RIT2: variants seen among roughly 807,000 people sequenced by gnomAD.
RIT2 encodes GTP-binding protein Rit2.
RIT2 carries 24 observed loss-of-function variants against 23.7 expected under a neutral mutation model. That is an observed-to-expected ratio of 1.01 (90% CI 0.73 to 1.43). The LOEUF is 1.43. RIT2 is among the 40% of genes most tolerant of loss of function. The probability of loss-of-function intolerance (pLI) is 0.00; values close to 1 mark genes in which losing one functional copy is unlikely to be tolerated. For synonymous variants in RIT2, 107 were observed against 91.1 expected (o/e 1.17, Z -0.99); for missense variants, 236 against 266.9 (o/e 0.88, Z 0.81).
intron 2 of RIT2, among the ~76,000 whole-genome samples, chr18:43,022,451 A>C (rs1484715613): frequency 6.6e-6 from 1 of 152,118 alleles, no homozygotes; most frequent in Non-Finnish European, 1.5e-5. Flanking sequence ...AGAATGTAGG[A>C]CTTGAATATT....
chr18:42,988,001 A>G (rs1375416286), intron 2 of RIT2, among the ~76,000 whole-genome samples: 3 of 152,168 alleles, frequency 2.0e-5, no homozygotes, highest in Non-Finnish European at 4.4e-5. Context: ...TCCAGCATTG[A>G]GGACCAAATT....
chr18:42,991,723 C>T (rs375870953), intron 2 of RIT2, among the ~76,000 whole-genome samples: 1 of 152,058 alleles, frequency 6.6e-6, no homozygotes, highest in East Asian at 1.9e-4. Flanking sequence ...CCTGGCTCAT[C>T]CTGACTCAAA....
intron 3 of RIT2, among the ~76,000 whole-genome samples, chr18:42,926,675 C>G (rs953330564): frequency 4.0e-5 from 6 of 151,808 alleles, no homozygotes; most frequent in Non-Finnish European, 7.4e-5. Flanking sequence ...GCTTGTTGAC[C>G]AGATTCAAAG....
At chr18:42,747,564 G>A (rs1345799620) in intron 4 of RIT2, among the ~76,000 whole-genome samples, 1 of 151,816 alleles carries the variant, frequency 6.6e-6, no homozygotes, top group Non-Finnish European at 1.5e-5. Context: ...TCATATGGAA[G>A]CAAAAAGGAG....
Position 42,752,778 on chromosome 18 carries a change from G to T in RIT2, c.427-9058C>A, listed in dbSNP as rs111469934. On this transcript the variant is annotated intron_variant, in intron 4 of 4. Transcript: ENST00000326695. ...GGGGTGGGGGTGGGGAAGAAATGTT[G>T]CAGGGAGATTATTTTAGGGGTAAGA... 1.3e-3 allele frequency among the ~76,000 whole-genome samples: 201 copies of T among 152,186 alleles called. 1 individual carries two copies. The highest frequency in any genetic ancestry group is 4.4e-3 in the African/African-American group (182 of 41,508).
chr18:42,981,472 G>C (rs990439098), intron 2 of RIT2, among the ~76,000 whole-genome samples: 1 of 151,998 alleles, frequency 6.6e-6, no homozygotes, highest in African/African-American at 2.4e-5. Flanking sequence ...AATATCTAGC[G>C]ACAAAGGTCT....
At chr18:43,093,092 C>A (rs1167727306) in intron 1 of RIT2, among the ~76,000 whole-genome samples, 1 of 151,974 alleles carries the variant, frequency 6.6e-6, no homozygotes, top group Non-Finnish European at 1.5e-5. Flanking sequence ...AGCATTGAGT[C>A]AAACAGAGAA....
intron 4 of RIT2, among the ~76,000 whole-genome samples, chr18:42,819,536 A>G (rs528793644): frequency 1.3e-5 from 2 of 152,022 alleles, no homozygotes; most frequent in South Asian, 4.2e-4. Flanking sequence ...GTTTTATTGT[A>G]TGTTTTTATA....
At position 42,945,498 on chromosome 18, in the gene RIT2, C is replaced by A. The variant is rs575884609; in HGVS notation, c.235-21735G>T. ...AGAATATCACAGGCTGAACATGCGTCCAAGAATGTGTGCGAATTTGGTATA... is the reference window on the plus strand; with the variant it reads ...AGAATATCACAGGCTGAACATGCGTACAAGAATGTGTGCGAATTTGGTATA... On this transcript the variant is annotated intron_variant, in intron 3 of 4. Coordinates refer to ENST00000326695, the MANE Select transcript of RIT2 (RefSeq NM_002930.4). Among the ~76,000 whole-genome samples, 45 of 152,208 alleles carry A rather than the reference C, an allele frequency of 3.0e-4. 1 individual carries two copies. Among genetic ancestry groups the A allele is most frequent in the African/African-American group, 1.1e-3 (45 of 41,538 alleles).
At chr18:42,872,939 G>A (rs1036448367) in intron 4 of RIT2, among the ~76,000 whole-genome samples, 2 of 152,116 alleles carry the variant, frequency 1.3e-5, no homozygotes, top group Admixed American at 6.6e-5. Context: ...TACTATAGAT[G>A]TATAACAATG....
intron 3 of RIT2, among the ~76,000 whole-genome samples, chr18:42,947,928 A>C (rs1404601127): frequency 2.0e-5 from 3 of 152,136 alleles, no homozygotes; most frequent in Admixed American, 1.3e-4. Flanking sequence ...ACCTAAAGAT[A>C]TGAACTAAAA....
intron 4 of RIT2, among the ~76,000 whole-genome samples, chr18:42,856,030 TCTGCCCTC>T (rs978310379): frequency 3.5e-4 from 53 of 152,328 alleles, no homozygotes; most frequent in Middle Eastern, 3.4e-3. Flanking sequence ...TTGACTTTCT[TCTGCCCTC>T]CTGTTTCTCA....
intron 1 of RIT2, among the ~76,000 whole-genome samples, chr18:43,107,419 G>A (rs1478723048): frequency 2.0e-5 from 3 of 152,056 alleles, no homozygotes; most frequent in Admixed American, 6.5e-5. Context: ...GTCTAGGCGT[G>A]CACGCGTGCG....
At chr18:42,969,466 G>T (rs557906654) in intron 3 of RIT2, among the ~76,000 whole-genome samples, 1 of 152,232 alleles carries the variant, frequency 6.6e-6, no homozygotes, top group Non-Finnish European at 1.5e-5. Context: ...ACACTTTAGA[G>T]ATCAAGTCTA....
intron 4 of RIT2, among the ~76,000 whole-genome samples, chr18:42,790,704 C>T (rs926625651): frequency 5.9e-5 from 9 of 152,266 alleles, no homozygotes; most frequent in Admixed American, 3.9e-4. Flanking sequence ...GCTGGGATTA[C>T]AGGCGTGAGC....
chr18:43,088,543 T>C (rs1376842419), intron 1 of RIT2, among the ~76,000 whole-genome samples: 1 of 152,132 alleles, frequency 6.6e-6, no homozygotes, highest in Non-Finnish European at 1.5e-5. Flanking sequence ...GAGAGGAAAA[T>C]ATACAAAGTT....
chr18:42,982,867 A>G (rs1910627919), intron 2 of RIT2, among the ~76,000 whole-genome samples: 1 of 152,104 alleles, frequency 6.6e-6, no homozygotes, highest in African/African-American at 2.4e-5. Context: ...ATTTTTATAG[A>G]TTGGAAGACA....
At chr18:42,840,014 C>A (rs940798467) in intron 4 of RIT2, among the ~76,000 whole-genome samples, 1 of 152,168 alleles carries the variant, frequency 6.6e-6, no homozygotes, top group African/African-American at 2.4e-5. Flanking sequence ...CTGTTTTCAA[C>A]TAAGGGTCAA....
intron 3 of RIT2, among the ~76,000 whole-genome samples, chr18:42,954,089 TA>T (rs1326958677): frequency 1.3e-5 from 2 of 152,036 alleles, no homozygotes; most frequent in Admixed American, 1.3e-4. Context: ...TCTTTTAAAA[TA>T]CAGTAAATTG....
Sources: allele counts gnomAD v4.1 joint callset (sites outside exome capture counted in the v4.1 genomes callset), GRCh38; gene constraint gnomAD v4.1.1; transcripts MANE v1.5; gene names NCBI Gene and HGNC (gene_info 2026-07-23, HGNC 2026-07-21).